DSG2: variants seen among roughly 807,000 people sequenced by gnomAD.
The protein encoded by DSG2 is desmoglein 2.
A neutral mutation model predicts 75.6 loss-of-function variants in DSG2; 45 were observed. That is an observed-to-expected ratio of 0.60 (90% confidence interval 0.47 to 0.76). The LOEUF is 0.76. Among genes scored for constraint, DSG2 ranks in the 30% least tolerant of loss-of-function variants. DSG2 has a pLI of 0.00. For missense variants in DSG2, 1,267 were observed against 1,357.4 expected, an observed-to-expected ratio of 0.93 and a Z score of 1.05; for synonymous variants, 429 against 483.9, an observed-to-expected ratio of 0.89 and a Z score of 1.49.
Position 31,531,167 on chromosome 18 carries a change from G to C in DSG2, c.1195G>C (p.Glu399Gln), listed in dbSNP as rs774863785. The C allele has an allele frequency of 6.2e-7, 1 of 1,614,014 alleles. No homozygotes were observed. The highest frequency in any genetic ancestry group is 8.5e-7 in the Non-Finnish European group (1 of 1,180,024). The change falls in exon 9 of 15, where the codon GAG becomes CAG. Residue 399 changes from glutamate to glutamine, a missense_variant. Coordinates refer to ENST00000261590, the MANE Select transcript of DSG2 (RefSeq NM_001943.5). ...CAGCGTCATCTCAATTTATGTTAGC[G>C]AGAGCATGGATAGATCAAGCAAAGG... is the stretch of plus-strand genomic sequence containing the variant. Reference protein sequence around the residue: ...KSSVISIYVSESMDRSSKGQI... With the variant: ...KSSVISIYVSQSMDRSSKGQI...
intron 1 of DSG2, among the ~76,000 whole-genome samples, chr18:31,499,290 T>A (rs1338853517): frequency 6.6e-6 from 1 of 152,132 alleles, no homozygotes; most frequent in Non-Finnish European, 1.5e-5. Flanking sequence ...TTCACTATAT[T>A]CAAAGTTCTA....
At position 31,546,355 on chromosome 18, in the gene DSG2, G is replaced by A; in HGVS notation, c.2969G>A (p.Arg990Lys). ...ANEGTVVVTE[R>K]VIQPHGGGSN... ...GAAGGTACAGTTGTGGTCACTGAAA[G>A]AGTAATACAGCCTCATGGGGGTGGA... The change falls in exon 15 of 15, where the codon AGA (arginine) becomes AAA (lysine). Residue 990 changes from arginine (R) to lysine (K), a missense_variant. Coordinates refer to ENST00000261590, the MANE Select transcript of DSG2 (RefSeq NM_001943.5). The A allele has an allele frequency of 1.2e-6, 2 of 1,613,732 alleles. No homozygotes were observed. The highest frequency in any genetic ancestry group is 1.7e-6 in the Non-Finnish European group (2 of 1,179,740).
chr18:31,540,557 CTTA>C (rs1400610408), intron 12 of DSG2, among the ~76,000 whole-genome samples: 1 of 152,170 alleles, frequency 6.6e-6, no homozygotes, highest in African/African-American at 2.4e-5. Flanking sequence ...TTTCAGTCTT[CTTA>C]TTAATCGTAG....
Position 31,546,373 on chromosome 18 carries a change from G to C in DSG2, c.2987G>C (p.Gly996Ala). ...VVTERVIQPH[G>A]GGSNPLEGTQ... The stretch of plus-strand genomic sequence containing the variant: ...ACTGAAAGAGTAATACAGCCTCATG[G>C]GGGTGGATCGAATCCTCTGGAAGGC... The change falls in exon 15 of 15, where the codon GGG becomes GCG. Residue 996 changes from glycine (G) to alanine (A), a missense_variant. Transcript: ENST00000261590. The C allele has an allele frequency of 1.2e-6, 2 of 1,614,088 alleles. No homozygotes were observed. The highest frequency in any genetic ancestry group is 1.7e-6 in the Non-Finnish European group (2 of 1,179,962).
intron 1 of DSG2, among the ~76,000 whole-genome samples, chr18:31,502,330 C>T (rs563957224): frequency 5.9e-5 from 9 of 151,990 alleles, no homozygotes; most frequent in East Asian, 1.9e-4. Flanking sequence ...CAAGTGTAAG[C>T]GTGAGAATTA....
chr18:31,502,744 CTG>C (rs1568099899), intron 1 of DSG2, among the ~76,000 whole-genome samples: 1 of 149,672 alleles, frequency 6.7e-6, no homozygotes, highest in African/African-American at 2.5e-5. Flanking sequence ...GAGGGAGACT[CTG>C]TCAAAAAAAA....
rs1335599931 is a variant in DSG2 at position 31,538,842 on chromosome 18, T to C, written c.1743T>C (p.Pro581=). ...CAGACAATCAGGGTTTTAGTTGTCC[T>C]GAAAAGCAGGTCCTTACACTCACAG... The part of the protein sequence containing the change: ...LISDNQGFSC[P]EKQVLTLTVC... The change falls in exon 12 of 15, where the codon CCT becomes CCC. Residue 581 remains proline (P), a synonymous_variant. Transcript: ENST00000261590. The C allele has an allele frequency of 6.2e-7, 1 of 1,614,098 alleles. No homozygotes were observed. Among genetic ancestry groups the C allele is most frequent in the Non-Finnish European group, 8.5e-7 (1 of 1,180,050 alleles).
chr18:31,514,586 T>C (rs1336807007), intron 1 of DSG2, among the ~76,000 whole-genome samples: 2 of 152,254 alleles, frequency 1.3e-5, no homozygotes, highest in Admixed American at 1.3e-4. Flanking sequence ...TGATATTTCA[T>C]GTCACATTCT....
At chr18:31,516,384 T>G (rs1598808100) in intron 1 of DSG2, among the ~76,000 whole-genome samples, 1 of 152,142 alleles carries the variant, frequency 6.6e-6, no homozygotes, top group East Asian at 1.9e-4. Flanking sequence ...TGACTGAAGA[T>G]AGTCTCAGTC....
intron 14 of DSG2, among the ~76,000 whole-genome samples, chr18:31,544,586 A>G (rs775568403): frequency 1.6e-4 from 25 of 152,152 alleles, no homozygotes; most frequent in Non-Finnish European, 2.9e-4. Flanking sequence ...AATCAATGAA[A>G]TATTTAGCAA....
intron 5 of DSG2, 105 bp downstream of exon 5, chr18:31,521,348 C>A: frequency 2.5e-6 from 3 of 1,189,296 alleles, no homozygotes; most frequent in Non-Finnish European, 3.6e-6. Context: ...TTGAGTATTA[C>A]CTACAGAACA....
At position 31,519,867 on chromosome 18, in the gene DSG2, G is replaced by A. The variant is rs121913006; in HGVS notation, c.146G>A (p.Arg49His). 9 of 1,614,104 alleles carry A rather than the reference G, an allele frequency of 5.6e-6. No homozygotes were observed. Among genetic ancestry groups the A allele is most frequent in the Non-Finnish European group, 6.8e-6 (8 of 1,180,018 alleles). ...CATCCTCATTTAGTGCGGCAAAAGC[G>A]CGCCTGGATCACCGCCCCCGTGGCT... is the stretch of plus-strand genomic sequence containing the variant. ...PKHPHLVRQK[R>H]AWITAPVALR... The change falls in exon 3 of 15, where the codon CGC (arginine) becomes CAC (histidine). Residue 49 changes from arginine (R) to histidine (H), a missense_variant. Transcript: ENST00000261590.
At position 31,531,077 on chromosome 18, in the gene DSG2, A is replaced by G. The variant is rs727505208; in HGVS notation, c.1105A>G (p.Lys369Glu). 4 of 1,614,040 alleles carry G rather than the reference A, an allele frequency of 2.5e-6. No homozygotes were observed. The highest frequency in any genetic ancestry group is 3.4e-6 in the Non-Finnish European group (4 of 1,180,022). ...TCACAAGTCGATTAGGAGTAAATACAAGCCTACACCCATTCCCATCAAGGT... is the reference window on the plus strand; with the variant it reads ...TCACAAGTCGATTAGGAGTAAATACGAGCCTACACCCATTCCCATCAAGGT... ...AFHKSIRSKYKPTPIPIKVKV... is the reference protein window; with the variant it reads ...AFHKSIRSKYEPTPIPIKVKV... Residue 369 changes from lysine (K) to glutamate (E), a missense_variant, in exon 9 of 15, where the codon AAG becomes GAG. By Grantham distance (56) the Lys-to-Glu change is moderately conservative (BLOSUM62 1). Coordinates refer to ENST00000261590, the MANE Select transcript of DSG2 (RefSeq NM_001943.5).
chr18:31,522,133 C>G lies in DSG2; in HGVS notation c.574C>G (p.Leu192Val), dbSNP rs2073131659. ...NATDADEPNTLNSKISYRIVS... is the reference protein window; with the variant it reads ...NATDADEPNTVNSKISYRIVS... The stretch of plus-strand genomic sequence containing the variant: ...AACAGATGCAGATGAGCCCAATACC[C>G]TGAATTCGAAAATTTCCTATAGAAT... Residue 192 changes from leucine (L) to valine (V), a missense_variant, in exon 6 of 15, where the codon CTG becomes GTG. Coordinates refer to ENST00000261590, the MANE Select transcript of DSG2 (RefSeq NM_001943.5). 1 of 1,613,922 alleles carries G rather than the reference C, an allele frequency of 6.2e-7. No homozygotes were observed. The highest frequency in any genetic ancestry group is 8.5e-7 in the Non-Finnish European group (1 of 1,179,856).
chr18:31,517,381 G>A (rs1198302354), intron 1 of DSG2, among the ~76,000 whole-genome samples: 7 of 152,102 alleles, frequency 4.6e-5, no homozygotes, highest in Admixed American at 3.9e-4. Context: ...TAGATCAGCA[G>A]GGTGACTATA....
Position 31,538,734 on chromosome 18 carries a change from G to A in DSG2, c.1652-17G>A. ...TAATCGTTCGTTTTTATTTCCTTCT[G>A]CCTCCCAACCTTGTAGGTACCAGTG... On this transcript the variant is annotated splice_polypyrimidine_tract_variant and intron_variant, in intron 11 of 14. Transcript: ENST00000261590. 1 of 1,609,416 alleles carries A rather than the reference G, an allele frequency of 6.2e-7. No individual in the cohort carries two copies. Among genetic ancestry groups the A allele is most frequent in the Non-Finnish European group, 8.5e-7 (1 of 1,175,800 alleles).
chr18:31,524,285 T>C (rs2073147392), intron 6 of DSG2, among the ~76,000 whole-genome samples, 163 bp from the exon 7 acceptor site: 1 of 152,226 alleles, frequency 6.6e-6, no homozygotes, highest in Non-Finnish European at 1.5e-5. Flanking sequence ...CTGCAAAAGC[T>C]CTGACTGCAA....
At chr18:31,543,371 G>T (rs537448815) in intron 14 of DSG2, 1 of 153,346 alleles carries the variant, frequency 6.5e-6, no homozygotes, top group Admixed American at 6.5e-5. Context: ...GATGAGCTCC[G>T]TAGGAGAGGC....
intron 1 of DSG2, among the ~76,000 whole-genome samples, chr18:31,517,781 C>T (rs1367128871): frequency 6.6e-6 from 1 of 151,904 alleles, no homozygotes; most frequent in Non-Finnish European, 1.5e-5. Flanking sequence ...AGAACATGGG[C>T]TGTCCGTGTG....
Sources: allele counts gnomAD v4.1 joint callset (sites outside exome capture counted in the v4.1 genomes callset), GRCh38; gene constraint gnomAD v4.1.1; transcripts MANE v1.5; gene names NCBI Gene and HGNC (gene_info 2026-07-23, HGNC 2026-07-21).